The following ADGRG6 variants were observed in gnomAD, a reference collection of about 807,000 sequenced individuals.
ADGRG6 encodes the protein adhesion G protein-coupled receptor G6, also known as G-protein coupled receptor 126.
ADGRG6 carries 84 observed loss-of-function variants against 142.4 expected under a neutral mutation model. The observed-to-expected ratio is 0.59, with a 90% CI of 0.49 to 0.71. The LOEUF is 0.71. Ranked by LOEUF, ADGRG6 falls within the 30% of genes least tolerant of loss-of-function variation. The probability of loss-of-function intolerance (pLI) is 0.00; values close to 1 mark genes in which losing one functional copy is unlikely to be tolerated. For missense variants in ADGRG6, 1,367 were observed against 1,466.6 expected (o/e 0.93, Z 1.11); for synonymous variants, 521 against 520.5 (o/e 1.00, Z -0.01).
chr6:142,355,397 C>T (rs1307473333), intron 2 of ADGRG6, among the ~76,000 whole-genome samples: 1 of 151,982 alleles, frequency 6.6e-6, no homozygotes, highest in Non-Finnish European at 1.5e-5. Flanking sequence ...TAGAACATCC[C>T]TACTTGATAT....
In ADGRG6 at chr6:142,370,163, G is replaced by C. The variant is rs1781166645; in HGVS notation, c.446-7G>C. Reference sequence around the variant, plus strand: ...AGGTTTATCTTTCTTGTTATGTTTTGTCCTAGTTGCCGTGTCCTTAAGGAA... The same window carrying C: ...AGGTTTATCTTTCTTGTTATGTTTTCTCCTAGTTGCCGTGTCCTTAAGGAA... On this transcript the variant is annotated splice_polypyrimidine_tract_variant and splice_region_variant and intron_variant, in intron 3 of 24. Transcript: ENST00000367609. 1.3e-6 allele frequency: 2 copies of C among 1,587,368 alleles called. No individual in the cohort carries two copies. Among genetic ancestry groups the C allele is most frequent in the Admixed American group, 3.4e-5 (2 of 58,434 alleles).
chr6:142,331,315 A>G (rs1007296023), intron 2 of ADGRG6, among the ~76,000 whole-genome samples: 5 of 152,216 alleles, frequency 3.3e-5, no homozygotes, highest in African/African-American at 9.6e-5. Flanking sequence ...GTATAGTTCA[A>G]AGAAAAGCCA....
rs191639604 is a variant in ADGRG6, at chr6:142,400,241, T to A, written c.1568-244T>A. Among the ~76,000 whole-genome samples, 755 of 152,304 alleles carry A rather than the reference T, an allele frequency of 5.0e-3. 1 individual carries two copies. The highest frequency in any genetic ancestry group is 0.027 in the Middle Eastern group (8 of 294). On this transcript the variant is annotated intron_variant, in intron 10 of 24. Transcript: ENST00000367609. ...TCATGTTTATACTTACATAACTGTG[T>A]TTTTTACTTAAGGTTTTGTCCAATG...
intron 24 of ADGRG6, among the ~76,000 whole-genome samples, chr6:142,442,573 A>G (rs1348697281): frequency 6.6e-6 from 1 of 152,090 alleles, no homozygotes; most frequent in Non-Finnish European, 1.5e-5. Flanking sequence ...TAGTGCTGTT[A>G]GCAATAACAT....
chr6:142,356,529 A>G (rs1450583838), intron 2 of ADGRG6, among the ~76,000 whole-genome samples: 1 of 152,230 alleles, frequency 6.6e-6, no homozygotes, highest in Non-Finnish European at 1.5e-5. Flanking sequence ...TTCTTGCTTC[A>G]TAACCCTGTG....
In ADGRG6 at chr6:142,428,156, A is replaced by T. The variant is rs892103286; in HGVS notation, c.3319+8052A>T. On this transcript the variant is annotated intron_variant, in intron 22 of 24. Transcript: ENST00000367609. ...GGTATGTGTTTATAAACACATATAC[A>T]TGTGTAATTATATGGGTACTCACAT... Among the ~76,000 whole-genome samples the T allele has an allele frequency of 2.6e-5, 4 of 152,346 alleles. No homozygotes were observed. The East Asian group carries it at 7.7e-4, about 29-fold the overall frequency.
At chr6:142,352,776 A>G (rs766351091) in intron 2 of ADGRG6, among the ~76,000 whole-genome samples, 1 of 152,142 alleles carries the variant, frequency 6.6e-6, no homozygotes, top group Non-Finnish European at 1.5e-5. Context: ...TACATTATGT[A>G]TATGCATGTA....
intron 10 of ADGRG6, among the ~76,000 whole-genome samples, chr6:142,399,563 C>T (rs997786821): frequency 8.5e-5 from 13 of 152,146 alleles, no homozygotes; most frequent in Non-Finnish European, 1.6e-4. Flanking sequence ...GCTGTGAAAG[C>T]CCAGCACCAC....
chr6:142,435,843 C>A (rs190838754), intron 22 of ADGRG6, among the ~76,000 whole-genome samples: 4 of 152,060 alleles, frequency 2.6e-5, no homozygotes, highest in African/African-American at 9.7e-5. Context: ...AATAAAATAA[C>A]GGTTGCTGAG....
At chr6:142,436,452 A>G (rs1234725598) in intron 22 of ADGRG6, among the ~76,000 whole-genome samples, 1 of 148,498 alleles carries the variant, frequency 6.7e-6, no homozygotes, top group Admixed American at 6.7e-5. Flanking sequence ...AAGAGTGGTC[A>G]TAGTAGGGTC....
rs758866907 is a variant in ADGRG6, at chr6:142,302,296, C to T, written c.-34C>T. On this transcript the variant is annotated 5_prime_UTR_variant, in exon 1 of 25. Transcript: ENST00000367609. ...GGGAAAGTGGTGGAGGATGATCTTG[C>T]GGCCAAAGGGGACCTCGGCGCAGTA... 2.5e-5 allele frequency: 41 copies of T among 1,610,284 alleles called. No individual in the cohort carries two copies. The highest frequency in any genetic ancestry group is 3.1e-5 in the Non-Finnish European group (37 of 1,178,054).
intron 23 of ADGRG6, 145 bp downstream of exon 23, chr6:142,437,680 T>C (rs1440292759): frequency 2.0e-5 from 12 of 601,368 alleles, no homozygotes; most frequent in Non-Finnish European, 3.6e-5. Flanking sequence ...AATCATAGAA[T>C]ATCAGGGCTG....
chr6:142,374,506 T>C (rs917218645), intron 4 of ADGRG6, among the ~76,000 whole-genome samples: 4 of 152,236 alleles, frequency 2.6e-5, no homozygotes, highest in African/African-American at 9.6e-5. Context: ...AAATGGTGGC[T>C]GCTGCTTTCA....
chr6:142,344,322 A>G (rs1231323347), intron 2 of ADGRG6, among the ~76,000 whole-genome samples: 1 of 151,958 alleles, frequency 6.6e-6, no homozygotes, highest in East Asian at 1.9e-4. Context: ...ATAATTTTGC[A>G]GTGAAAAGAT....
At chr6:142,383,284 A>G (rs1055295234) in intron 5 of ADGRG6, among the ~76,000 whole-genome samples, 3 of 152,124 alleles carry the variant, frequency 2.0e-5, no homozygotes, top group Non-Finnish European at 4.4e-5. Context: ...CATTCATCTT[A>G]AGAAGAAGTA....
At chr6:142,330,243 G>A (rs1261316977) in intron 2 of ADGRG6, among the ~76,000 whole-genome samples, 1 of 151,632 alleles carries the variant, frequency 6.6e-6, no homozygotes, top group African/African-American at 2.4e-5. Context: ...ATAACTAATG[G>A]GCTTAATACC....
At chr6:142,398,581 CAT>C (rs1348127247) in intron 10 of ADGRG6, among the ~76,000 whole-genome samples, 5 of 152,288 alleles carry the variant, frequency 3.3e-5, no homozygotes, top group Non-Finnish European at 7.4e-5. Context: ...TCTAGCCACA[CAT>C]ATGGCACGGC....
chr6:142,313,476 T>C (rs1213328909), intron 2 of ADGRG6, among the ~76,000 whole-genome samples: 1 of 152,116 alleles, frequency 6.6e-6, no homozygotes, highest in African/African-American at 2.4e-5. Context: ...TCATGAGCAG[T>C]GCAGGAGGAG....
intron 2 of ADGRG6, among the ~76,000 whole-genome samples, chr6:142,335,349 G>T (rs1779260621): frequency 6.6e-6 from 1 of 152,094 alleles, no homozygotes; most frequent in Non-Finnish European, 1.5e-5. Flanking sequence ...TAAAAAGGAG[G>T]ATTGGAAGGG....
Sources: gnomAD v4.1 joint callset for allele counts (sites outside exome capture counted in the v4.1 genomes callset) on GRCh38, gnomAD v4.1.1 for gene constraint, MANE v1.5 for transcripts, NCBI Gene and HGNC (gene_info 2026-07-23, HGNC 2026-07-21) for gene names.